Variants in GABBR2 observed in about 807,000 individuals in gnomAD.
The protein encoded by GABBR2 is G-protein coupled receptor 51.
A neutral mutation model predicts 105.6 loss-of-function variants in GABBR2; 23 were observed. The observed-to-expected ratio is 0.22, with a 90% CI of 0.16 to 0.31. The LOEUF is 0.31. Among genes scored for constraint, GABBR2 ranks in the 10% least tolerant of loss-of-function variants. The probability of loss-of-function intolerance (pLI) is 1.00; values close to 1 mark genes in which losing one functional copy is unlikely to be tolerated. For missense variants in GABBR2, 734 were observed against 1,245.5 expected (o/e 0.59, Z 6.18); for synonymous variants, 478 against 499.7 (o/e 0.96, Z 0.58).
intron 1 of GABBR2, among the ~76,000 whole-genome samples, chr9:98,669,049 T>G (rs565221466): frequency 1.0e-3 from 154 of 152,304 alleles, no homozygotes; most frequent in African/African-American, 3.6e-3. Flanking sequence ...TTGAATTATT[T>G]TGAGTGTCCT....
chr9:98,662,812 G>T (rs979668131), intron 1 of GABBR2, among the ~76,000 whole-genome samples: 1 of 152,172 alleles, frequency 6.6e-6, no homozygotes, highest in Non-Finnish European at 1.5e-5. Context: ...CCCCAGGCAC[G>T]TGTATCCCCC....
At chr9:98,507,304 A>T (rs1334838703) in intron 3 of GABBR2, among the ~76,000 whole-genome samples, 1 of 152,136 alleles carries the variant, frequency 6.6e-6, no homozygotes, top group Non-Finnish European at 1.5e-5. Flanking sequence ...GCCCAACATG[A>T]TCCCAAGGGT....
At chr9:98,487,230 C>T (rs953804114) in intron 4 of GABBR2, among the ~76,000 whole-genome samples, 3 of 152,124 alleles carry the variant, frequency 2.0e-5, no homozygotes, top group African/African-American at 7.2e-5. Context: ...TGCAGCTTTG[C>T]GTCCCCTTGG....
chr9:98,400,008 C>T (rs1832362906), intron 8 of GABBR2, among the ~76,000 whole-genome samples: 1 of 143,082 alleles, frequency 7.0e-6, no homozygotes. Flanking sequence ...GAGACTCCCA[C>T]CTCCATGAAA....
chr9:98,534,339 G>A (rs1013382004), intron 3 of GABBR2, among the ~76,000 whole-genome samples: 39 of 152,044 alleles, frequency 2.6e-4, no homozygotes, highest in Non-Finnish European at 4.6e-4. Context: ...GGAGCTTGGA[G>A]CTTGGAGGGA....
rs1046270417 is a variant in GABBR2, at chr9:98,466,387, G to GT, written c.999+6758dup. ...GGCAGTTTCTGAATTGCTACAAATA[G>GT]TTTTTTTCTTGACCTGGGTGGTAGT... On this transcript the variant is annotated intron_variant, in intron 6 of 18. Transcript: ENST00000259455. 4.6e-5 allele frequency among the ~76,000 whole-genome samples: 7 copies of GT among 152,144 alleles called. 1 individual carries two copies. Among genetic ancestry groups the GT allele is most frequent in the African/African-American group, 1.7e-4 (7 of 41,426 alleles).
chr9:98,479,935 T>C (rs1826879777), intron 5 of GABBR2, among the ~76,000 whole-genome samples: 1 of 152,212 alleles, frequency 6.6e-6, no homozygotes, highest in Non-Finnish European at 1.5e-5. Context: ...TGTTCTAATA[T>C]AATATGTTAG....
chr9:98,501,656 C>A (rs189282402), intron 3 of GABBR2, among the ~76,000 whole-genome samples: 1 of 152,050 alleles, frequency 6.6e-6, no homozygotes, highest in South Asian at 2.1e-4. Context: ...GACCAAGAAC[C>A]CTTTAGGGAG....
intron 4 of GABBR2, among the ~76,000 whole-genome samples, chr9:98,482,028 A>G (rs922613383): frequency 2.0e-5 from 3 of 152,134 alleles, no homozygotes; most frequent in Admixed American, 2.0e-4. Context: ...TGGGGCGGCC[A>G]CCAGGAGACC....
At chr9:98,310,048 G>A (rs1830611897) in intron 14 of GABBR2, among the ~76,000 whole-genome samples, 1 of 152,162 alleles carries the variant, frequency 6.6e-6, no homozygotes, top group Non-Finnish European at 1.5e-5. Flanking sequence ...GGGGTGAATG[G>A]TGACTTAACC....
chr9:98,354,581 A>G (rs1419777323), intron 13 of GABBR2, among the ~76,000 whole-genome samples: 2 of 152,232 alleles, frequency 1.3e-5, no homozygotes, highest in Non-Finnish European at 2.9e-5. Flanking sequence ...TTTATGTTAT[A>G]GAGATGATTT....
At chr9:98,501,153 C>CCCT (rs1564094521) in intron 3 of GABBR2, among the ~76,000 whole-genome samples, 1 of 125,722 alleles carries the variant, frequency 8.0e-6, no homozygotes, top group African/African-American at 2.9e-5. Context: ...CCCCCTGCTC[C>CCCT]TTTTTTTTTT....
intron 1 of GABBR2, among the ~76,000 whole-genome samples, chr9:98,594,826 G>T (rs1403920123): frequency 6.6e-6 from 1 of 152,250 alleles, no homozygotes; most frequent in African/African-American, 2.4e-5. Flanking sequence ...TGGCACTCGA[G>T]GGAGCTGCAT....
At chr9:98,427,610 T>C (rs138438468) in intron 7 of GABBR2, among the ~76,000 whole-genome samples, 18 of 152,336 alleles carry the variant, frequency 1.2e-4, no homozygotes, top group African/African-American at 4.3e-4. Context: ...GGCTGGCCCG[T>C]GTAACTTGTA....
intron 13 of GABBR2, 52 bp downstream of exon 13, chr9:98,362,663 G>A: frequency 2.1e-6 from 3 of 1,426,488 alleles, no homozygotes; most frequent in South Asian, 3.5e-5. Context: ...CTGTCCTCAT[G>A]TGCCAGGGGC....
Position 98,290,715 on chromosome 9 carries a change from G to T in GABBR2, c.2695C>A (p.Leu899Ile). The T allele has an allele frequency of 6.7e-7, 1 of 1,490,592 alleles. No homozygotes were observed. Among genetic ancestry groups the T allele is most frequent in the East Asian group, 2.7e-5 (1 of 36,506 alleles). The allele number at this position is 1,490,592 out of a possible 1,614,324, so 92.3% of individuals were successfully genotyped here. The change falls in exon 19 of 19, where the codon CTC (leucine) becomes ATC (isoleucine). Residue 899 changes from leucine (L) to isoleucine (I), a missense_variant. Physicochemically the swap from Leu to Ile is conservative, Grantham distance 5 (BLOSUM62 2). Around this residue, in one of 7 missense-constraint regions of GABBR2, gnomAD observed 134 missense variants for 171.2 expected, o/e 0.78. Transcript: ENST00000259455. ...ATGGATGGGAGGTAGGCGTGGTGGA[G>T]GATGGGGAGCTGGAGGGACAGCCGA... Reference protein sequence around the residue: ...QRRLSLQLPILHHAYLPSIGG... With the variant: ...QRRLSLQLPIIHHAYLPSIGG...
rs997091411 is a variant in GABBR2 at position 98,473,298 on chromosome 9, C to T, written c.847G>A (p.Gly283Ser). Reference protein sequence around the residue: ...YGSKYQWIIPGWYEPSWWEQV... With the variant: ...YGSKYQWIIPSWYEPSWWEQV... Reference sequence around the variant, plus strand: ...TCCCACCAAGAAGGCTCGTACCAGCCCGGAATGATCCACTGATATTTACTA... The same window carrying T: ...TCCCACCAAGAAGGCTCGTACCAGCTCGGAATGATCCACTGATATTTACTA... Residue 283 changes from glycine to serine, a missense_variant, in exon 6 of 19, where the codon GGC becomes AGC. By Grantham distance (56) the Gly-to-Ser change is moderately conservative. Coordinates refer to ENST00000259455, the MANE Select transcript of GABBR2 (RefSeq NM_005458.8). 1 of 1,613,694 alleles carries T rather than the reference C, an allele frequency of 6.2e-7. No individual in the cohort carries two copies. Among genetic ancestry groups the T allele is most frequent in the Non-Finnish European group, 8.5e-7 (1 of 1,179,820 alleles).
At chr9:98,569,694 T>G (rs1828800017) in intron 2 of GABBR2, among the ~76,000 whole-genome samples, 1 of 152,178 alleles carries the variant, frequency 6.6e-6, no homozygotes, top group Non-Finnish European at 1.5e-5. Context: ...TGTGAGACTT[T>G]GGCAAGGCCC....
At chr9:98,480,856 G>C (rs774024035) in intron 5 of GABBR2, 76 bp downstream of exon 5, 41 of 836,840 alleles carry the variant, frequency 4.9e-5, no homozygotes, top group Non-Finnish European at 7.8e-5. Context: ...CACAGACTGA[G>C]CAGGGAGATA....
Sources: allele counts gnomAD v4.1 joint callset (sites outside exome capture counted in the v4.1 genomes callset), GRCh38; gene constraint gnomAD v4.1.1; regional missense constraint gnomAD v4.1.1; transcripts MANE v1.5; gene names NCBI Gene and HGNC (gene_info 2026-07-23, HGNC 2026-07-21).